KIRREL2: variants seen among roughly 807,000 people sequenced by gnomAD.
The protein encoded by KIRREL2 is kin of IRRE-like protein 2.
In KIRREL2, 56 loss-of-function variants were observed where a neutral mutation model predicts 73.4. The observed-to-expected ratio is 0.76, with a 90% CI of 0.62 to 0.95. The LOEUF (loss-of-function observed/expected upper bound fraction) is 0.95, where lower values mean the gene tolerates loss of function less well. Among genes scored for constraint, KIRREL2 ranks in the 40% least tolerant of loss-of-function variants. The probability of loss-of-function intolerance (pLI) is 0.00; values close to 1 mark genes in which losing one functional copy is unlikely to be tolerated. For missense variants in KIRREL2, 896 were observed against 935.0 expected (o/e 0.96, Z 0.54); for synonymous variants, 407 against 404.0 (o/e 1.01, Z -0.09).
chr19:35,856,138 C>T (rs1973412747), upstream of KIRREL2, among the ~76,000 whole-genome samples: 1 of 152,240 alleles, frequency 6.6e-6, no homozygotes, highest in Admixed American at 6.5e-5. The surrounding 1 kb of genome is among the most constrained non-coding windows in gnomAD (Gnocchi z 5.9). Context: ...TCCCTCCCAC[C>T]TGCTCGGCCA....
intron 14 of KIRREL2, among the ~76,000 whole-genome samples, 156 bp from the exon 15 acceptor site, chr19:35,866,001 C>G (rs548737907): frequency 6.6e-6 from 1 of 152,166 alleles, no homozygotes; most frequent in Non-Finnish European, 1.5e-5. Flanking sequence ...CTCACTTTCT[C>G]TCTCTCCCAG....
intron 4 of KIRREL2, 31 bp downstream of exon 4, chr19:35,858,895 C>T: frequency 1.2e-6 from 2 of 1,610,916 alleles, no homozygotes; most frequent in South Asian, 2.2e-5. Context: ...CTAGCCTTTG[C>T]CCATTGAGGG....
At chr19:35,856,784 G>A (rs1973438976), upstream of KIRREL2, 3 of 391,494 alleles carry the variant, frequency 7.7e-6, no homozygotes, top group South Asian at 5.4e-5. The surrounding 1 kb of genome is among the most constrained non-coding windows in gnomAD (Gnocchi z 5.9). Flanking sequence ...CCCGCCGGGG[G>A]ATCCCGCCCT....
In KIRREL2 at chr19:35,860,617, T is replaced by C; in HGVS notation, c.878T>C (p.Val293Ala). Residue 293 changes from valine (V) to alanine (A), a missense_variant, in exon 7 of 15, where the codon GTC becomes GCC. Physicochemically the swap from Val to Ala is moderately conservative, Grantham distance 64 (BLOSUM62 0). Transcript: ENST00000360202. ...SFLTEPVSCE[V>A]SNAVGSANRS... ...CTGACTGAGCCCGTGTCCTGCGAGG[T>C]CAGCAACGCCGTGGGTAGCGCCAAC... is the stretch of plus-strand genomic sequence containing the variant. 6.2e-7 allele frequency: 1 copy of C among 1,603,536 alleles called. No homozygotes were observed. The highest frequency in any genetic ancestry group is 8.5e-7 in the Non-Finnish European group (1 of 1,179,934).
At chr19:35,863,070 C>A in intron 13 of KIRREL2, 34 bp downstream of exon 13, 1 of 1,219,456 alleles carries the variant, frequency 8.2e-7, no homozygotes, top group Non-Finnish European at 1.2e-6. Context: ...CTGACTGTGC[C>A]TCCAGACCTA....
upstream of KIRREL2, chr19:35,851,595 C>G: frequency 6.2e-7 from 1 of 1,613,988 alleles, no homozygotes; most frequent in Non-Finnish European, 8.5e-7. Flanking sequence ...ACTGAGGCCC[C>G]CTCCACCACC....
At chr19:35,854,592 G>A (rs1230837573), upstream of KIRREL2, among the ~76,000 whole-genome samples, 4 of 152,130 alleles carry the variant, frequency 2.6e-5, no homozygotes, top group Admixed American at 1.3e-4. Context: ...CAAAGTGCTG[G>A]GATTGCAGGC....
chr19:35,863,426 T>A (rs977861904), intron 13 of KIRREL2, among the ~76,000 whole-genome samples: 177 of 143,152 alleles, frequency 1.2e-3, no homozygotes, highest in African/African-American at 4.6e-3. Flanking sequence ...CTGTCTCCAT[T>A]TTTTTTTTTT....
At chr19:35,860,273 C>T in intron 5 of KIRREL2, 24 bp from the exon 6 acceptor site, 1 of 1,601,270 alleles carries the variant, frequency 6.2e-7, no homozygotes, top group Non-Finnish European at 8.5e-7. Context: ...CCTTGCCCAT[C>T]TGACCATTGT....
Position 35,860,395 on chromosome 19 carries a change from G to A in KIRREL2, c.772G>A (p.Gly258Ser). The A allele has an allele frequency of 6.2e-7, 1 of 1,613,106 alleles. No homozygotes were observed. The highest frequency in any genetic ancestry group is 1.1e-5 in the South Asian group (1 of 91,080). Residue 258 changes from glycine (G) to serine (S), a missense_variant, in exon 6 of 15, where the codon GGC becomes AGC. Coordinates refer to ENST00000360202, the MANE Select transcript of KIRREL2 (RefSeq NM_199180.4). ...GGCCACAGCCCAGCCTCCTGTCACA[G>A]GCTACAGGTGAGGACGAAGACCCAC... Reference protein sequence around the residue: ...CQATAQPPVTGYRWAKGGSPV... With the variant: ...CQATAQPPVTSYRWAKGGSPV...
At chr19:35,858,013 A>G (rs527939668) in intron 2 of KIRREL2, among the ~76,000 whole-genome samples, 2 of 151,442 alleles carry the variant, frequency 1.3e-5, no homozygotes, top group East Asian at 1.9e-4. Context: ...AAAAGAGAAC[A>G]TAAATGCAAA....
chr19:35,865,870 GTC>G (rs2146887571), intron 14 of KIRREL2, among the ~76,000 whole-genome samples: 1 of 152,268 alleles, frequency 6.6e-6, no homozygotes, highest in South Asian at 2.1e-4. Flanking sequence ...GCAGGTGAGT[GTC>G]TCTCTCCTGT....
At position 35,865,398 on chromosome 19, in the gene KIRREL2, G is replaced by A. The variant is rs571690244; in HGVS notation, c.1791+685G>A. Among the ~76,000 whole-genome samples the A allele has an allele frequency of 5.9e-5, 9 of 152,026 alleles. No individual in the cohort carries two copies. The East Asian group carries it at 1.7e-3, about 29-fold the overall frequency. On this transcript the variant is annotated intron_variant, in intron 14 of 14. Coordinates refer to ENST00000360202, the MANE Select transcript of KIRREL2 (RefSeq NM_199180.4). ...ACTCCTGACCTCAAGTGATCCGCTC[G>A]CCCCAGCCTCCCAAAGTGCTGGGAT...
chr19:35,859,030 G>A (rs543234880), intron 4 of KIRREL2, among the ~76,000 whole-genome samples, 166 bp downstream of exon 4: 2 of 152,298 alleles, frequency 1.3e-5, no homozygotes, highest in African/African-American at 4.8e-5. Context: ...CAGACTACCT[G>A]GGTTCAAATT....
Position 35,859,696 on chromosome 19 carries a change from G to A in KIRREL2, c.673+65G>A, listed in dbSNP as rs1973581586. On this transcript the variant is annotated intron_variant, in intron 5 of 14. Coordinates refer to ENST00000360202, the MANE Select transcript of KIRREL2 (RefSeq NM_199180.4). Reference sequence around the variant, plus strand: ...CTGACTCCTGGGTATGAGGAAGGAGGGGACTGTGGCCCTTGGGGAATGAGG... The same window carrying A: ...CTGACTCCTGGGTATGAGGAAGGAGAGGACTGTGGCCCTTGGGGAATGAGG... 2.5e-6 allele frequency: 4 copies of A among 1,574,314 alleles called. No individual in the cohort carries two copies. In the East Asian group the frequency reaches 9.0e-5, roughly 35 times the overall value.
chr19:35,857,809 C>A (rs1161395611), intron 2 of KIRREL2, among the ~76,000 whole-genome samples: 1 of 151,734 alleles, frequency 6.6e-6, no homozygotes, highest in African/African-American at 2.4e-5. Context: ...CATAACAAGA[C>A]CTTATCTCTA....
At chr19:35,851,514 G>A (rs376923714), upstream of KIRREL2, 21 of 1,613,572 alleles carry the variant, frequency 1.3e-5, no homozygotes, top group Non-Finnish European at 1.8e-5. Flanking sequence ...CTGGGGTCGG[G>A]GCCCAGGAGC....
At chr19:35,854,542 C>T (rs1276654423), upstream of KIRREL2, among the ~76,000 whole-genome samples, 10 of 151,954 alleles carry the variant, frequency 6.6e-5, no homozygotes, top group African/African-American at 2.2e-4. Context: ...AGGCTGGTCT[C>T]GAACTCCTGA....
In KIRREL2 at chr19:35,862,952, G is replaced by C. The variant is rs1169115002; in HGVS notation, c.1641G>C (p.Lys547Asn). Residue 547 changes from lysine to asparagine, a missense_variant, in exon 13 of 15, where the codon AAG (lysine) becomes AAC (asparagine). Physicochemically the swap from Lys to Asn is moderately conservative, Grantham distance 94 (BLOSUM62 0). Transcript: ENST00000360202. ...SKASASFSEQ[K>N]NLMRIPGSSD... ...CCTCAGCCTCTTTCTCCGAGCAAAA[G>C]AACCTGATGCGAATCCCTGGCAGCA... 6 of 1,582,948 alleles carry C rather than the reference G, an allele frequency of 3.8e-6. No homozygotes were observed. In the Admixed American group the frequency reaches 1.1e-4, roughly 29 times the overall value.
Sources: allele counts gnomAD v4.1 joint callset (sites outside exome capture counted in the v4.1 genomes callset), GRCh38; gene constraint gnomAD v4.1.1; non-coding constraint Gnocchi (gnomAD v3.1); transcripts MANE v1.5; gene names NCBI Gene and HGNC (gene_info 2026-07-23, HGNC 2026-07-21).